The following CACNA1C variants were observed in gnomAD, a reference collection of about 807,000 sequenced individuals.
The protein encoded by CACNA1C is voltage-dependent L-type calcium channel subunit alpha-1C.
In CACNA1C, 30 loss-of-function variants were observed where a neutral mutation model predicts 229.0. The ratio of observed to expected loss-of-function variants is 0.13; its 90% confidence interval spans 0.10 to 0.18. The LOEUF (loss-of-function observed/expected upper bound fraction) is 0.18. CACNA1C is among the 10% of genes least tolerant of loss of function. The pLI is 1.00. For synonymous variants in CACNA1C, 1,114 were observed against 1,132.5 expected, an observed-to-expected ratio of 0.98 and a Z score of 0.33; for missense variants, 1,658 against 2,845.0, an observed-to-expected ratio of 0.58 and a Z score of 9.49.
chr12:2,195,450 T>G (rs1330166193), intron 3 of CACNA1C, among the ~76,000 whole-genome samples: 2 of 152,210 alleles, frequency 1.3e-5, no homozygotes, highest in African/African-American at 4.8e-5. Flanking sequence ...TTGAATTGGA[T>G]GCACTTAAGT....
chr12:2,433,763 C>A (rs952946270), intron 3 of CACNA1C, among the ~76,000 whole-genome samples: 1 of 152,184 alleles, frequency 6.6e-6, no homozygotes, highest in African/African-American at 2.4e-5. Context: ...GTCCTGCCGA[C>A]TTCCTTCTCC....
rs761255948 is a variant in CACNA1C, at chr12:2,181,835, C to T, written c.477+61405C>T. The stretch of plus-strand genomic sequence containing the variant: ...GAGGGTAAGTAATGGACTGCAAGGA[C>T]ACTCTGTCTCTGGCCCAGAGGAACA... On this transcript the variant is annotated intron_variant, in intron 3 of 46. Transcript: ENST00000399655. This position sits in a 1 kb window ranked among gnomAD's most constrained non-coding sequence, Gnocchi z 4.0. Among the ~76,000 whole-genome samples the T allele has an allele frequency of 4.6e-5, 7 of 152,060 alleles. No individual in the cohort carries two copies. Among genetic ancestry groups the T allele is most frequent in the Non-Finnish European group, 1.0e-4 (7 of 68,018 alleles).
rs145849504 is a variant in CACNA1C at position 2,179,097 on chromosome 12, G to A, written c.477+58667G>A. Among the ~76,000 whole-genome samples the A allele has an allele frequency of 4.0e-3, 603 of 152,248 alleles. 2 individuals carry two copies. Among genetic ancestry groups the A allele is most frequent in the African/African-American group, 0.014 (577 of 41,536 alleles). On this transcript the variant is annotated intron_variant, in intron 3 of 46. Coordinates refer to ENST00000399655, the MANE Select transcript of CACNA1C (RefSeq NM_000719.7). ...AATAAATAAATAATTTAAAAGAGGA[G>A]ATAGATGTGATGGCGGTCTTTTCTG... is the stretch of plus-strand genomic sequence containing the variant.
intron 1 of CACNA1C, among the ~76,000 whole-genome samples, chr12:2,078,153 A>T (rs1042460082): frequency 6.6e-6 from 1 of 152,128 alleles, no homozygotes; most frequent in African/African-American, 2.4e-5. Context: ...CCCTTAGAAG[A>T]AGAAACACCA....
intron 5 of CACNA1C, among the ~76,000 whole-genome samples, chr12:2,471,757 A>G (rs1395728250): frequency 2.6e-5 from 4 of 152,014 alleles, no homozygotes; most frequent in South Asian, 2.1e-4. Context: ...ATCTTGGCTC[A>G]CTGTAACCTC....
At chr12:2,606,547 A>G (rs1601861319) in intron 24 of CACNA1C, 64 bp from the exon 25 acceptor site, 1 of 1,331,028 alleles carries the variant, frequency 7.5e-7, no homozygotes, top group East Asian at 2.5e-5. Flanking sequence ...GATGCTCACT[A>G]ATTGCTTTTG....
At chr12:2,529,126 A>G (rs1429991659) in intron 9 of CACNA1C, among the ~76,000 whole-genome samples, 2 of 152,258 alleles carry the variant, frequency 1.3e-5, no homozygotes, top group Non-Finnish European at 2.9e-5. Flanking sequence ...TTTAAAATCA[A>G]CTAGAAACCA....
intron 3 of CACNA1C, among the ~76,000 whole-genome samples, chr12:2,381,591 C>T (rs185160707): frequency 6.6e-5 from 10 of 152,320 alleles, no homozygotes; most frequent in East Asian, 5.8e-4. Context: ...AGGTTTTCCT[C>T]GATGTAAGGC....
At chr12:2,230,397 G>A (rs1198039028) in intron 3 of CACNA1C, among the ~76,000 whole-genome samples, 1 of 152,212 alleles carries the variant, frequency 6.6e-6, no homozygotes, top group Admixed American at 6.5e-5. Flanking sequence ...GGGGAGGCGG[G>A]GCCGAGCCTG....
intron 5 of CACNA1C, among the ~76,000 whole-genome samples, chr12:2,461,835 C>G (rs1249279803): frequency 6.6e-6 from 1 of 152,228 alleles, no homozygotes; most frequent in Non-Finnish European, 1.5e-5. Flanking sequence ...CAGCTCAGCG[C>G]TGGCCGCCCT....
At chr12:2,244,469 C>A (rs1255523402) in intron 3 of CACNA1C, among the ~76,000 whole-genome samples, 2 of 152,252 alleles carry the variant, frequency 1.3e-5, no homozygotes, top group African/African-American at 2.4e-5. Context: ...TAAATACAGT[C>A]ATCTCCTCCG....
intron 1 of CACNA1C, among the ~76,000 whole-genome samples, chr12:2,068,364 C>T (rs938741577): frequency 6.6e-6 from 1 of 152,150 alleles, no homozygotes; most frequent in African/African-American, 2.4e-5. Flanking sequence ...TTGTGAGTGG[C>T]CTGGAGGCCT....
intron 3 of CACNA1C, among the ~76,000 whole-genome samples, chr12:2,235,746 A>G (rs2067112658): frequency 6.6e-6 from 1 of 152,158 alleles, no homozygotes; most frequent in African/African-American, 2.4e-5. Flanking sequence ...CTGAATGACT[A>G]ACAAAGAAGC....
Position 2,258,509 on chromosome 12 carries a change from G to A in CACNA1C, c.477+138079G>A, listed in dbSNP as rs1038015147. On this transcript the variant is annotated intron_variant, in intron 3 of 46. Transcript: ENST00000399655. ...AACAACTAAATTTAATTATATCATC[G>A]TCTTTGGAGGACGGTGTTATCTTCA... 2.6e-5 allele frequency among the ~76,000 whole-genome samples: 4 copies of A among 151,650 alleles called. No homozygotes were observed. The East Asian group carries it at 5.8e-4, about 22-fold the overall frequency.
At chr12:2,311,647 C>T (rs890313151) in intron 3 of CACNA1C, among the ~76,000 whole-genome samples, 2 of 152,198 alleles carry the variant, frequency 1.3e-5, no homozygotes, top group African/African-American at 4.8e-5. Flanking sequence ...ATATGTCAGA[C>T]GTCAGAGGCT....
At chr12:2,675,167 G>A (rs1186626381) in intron 39 of CACNA1C, among the ~76,000 whole-genome samples, 1 of 152,054 alleles carries the variant, frequency 6.6e-6, no homozygotes, top group Non-Finnish European at 1.5e-5. Context: ...GATCCTGAAT[G>A]AAAATTATAG....
At chr12:2,059,485 CG>C (rs1027306557) in intron 1 of CACNA1C, among the ~76,000 whole-genome samples, 1 of 151,966 alleles carries the variant, frequency 6.6e-6, no homozygotes, top group Non-Finnish European at 1.5e-5. Context: ...GTGAGGAAAG[CG>C]GGGGTTAACT....
intron 3 of CACNA1C, among the ~76,000 whole-genome samples, chr12:2,260,401 A>C (rs2079619994): frequency 6.6e-6 from 1 of 150,744 alleles, no homozygotes; most frequent in African/African-American, 2.4e-5. Flanking sequence ...GCTTGAGCCC[A>C]GGAGTTTGAG....
intron 3 of CACNA1C, among the ~76,000 whole-genome samples, chr12:2,228,573 G>A (rs905040865): frequency 6.6e-6 from 1 of 152,228 alleles, no homozygotes; most frequent in Non-Finnish European, 1.5e-5. Context: ...TAAAGAGGTA[G>A]GGGTAGCTTA....
Sources: gnomAD v4.1 joint callset for allele counts (sites outside exome capture counted in the v4.1 genomes callset) on GRCh38, gnomAD v4.1.1 for gene constraint, Gnocchi (gnomAD v3.1) non-coding constraint, MANE v1.5 for transcripts, NCBI Gene and HGNC (gene_info 2026-07-23, HGNC 2026-07-21) for gene names.